PPP1R21: variants seen among roughly 807,000 people sequenced by gnomAD.
The protein encoded by PPP1R21 is protein phosphatase 1 regulatory subunit 21, also known as KLRAQ motif containing 1.
In PPP1R21, 85 loss-of-function variants were observed where a neutral mutation model predicts 112.8. The observed-to-expected ratio is 0.75, with a 90% confidence interval of 0.63 to 0.90. The LOEUF (loss-of-function observed/expected upper bound fraction) is 0.90. PPP1R21 is among the 40% of genes least tolerant of loss of function. The pLI, the probability that PPP1R21 is intolerant of heterozygous loss-of-function variation, is 0.00. For missense variants in PPP1R21, 1,199 were observed against 901.5 expected (o/e 1.33, Z -4.23); for synonymous variants, 381 against 322.3 (o/e 1.18, Z -1.95).
intron 11 of PPP1R21, among the ~76,000 whole-genome samples, chr2:48,473,318 CTA>C (rs1174771697): frequency 6.6e-6 from 1 of 152,094 alleles, no homozygotes; most frequent in Non-Finnish European, 1.5e-5. Context: ...AAAATCGACT[CTA>C]GAGGTTTAAC....
chr2:48,475,876 A>G (rs1275317756), intron 12 of PPP1R21, among the ~76,000 whole-genome samples: 1 of 152,154 alleles, frequency 6.6e-6, no homozygotes, highest in Non-Finnish European at 1.5e-5. Context: ...GGGTAACTGA[A>G]TGGACCTCAT....
At chr2:48,495,155 A>C (rs1669769633) in intron 15 of PPP1R21, among the ~76,000 whole-genome samples, 1 of 152,228 alleles carries the variant, frequency 6.6e-6, no homozygotes, top group Non-Finnish European at 1.5e-5. Flanking sequence ...CAGTCGAACC[A>C]AGGTAAGTCA....
chr2:48,505,426 G>A, intron 17 of PPP1R21, 138 bp from the exon 18 acceptor site: 2 of 650,496 alleles, frequency 3.1e-6, no homozygotes, highest in South Asian at 4.0e-5. Flanking sequence ...TGTAGTAAAA[G>A]ACAGTCCAAG....
At chr2:48,493,710 T>C (rs865953040) in intron 15 of PPP1R21, among the ~76,000 whole-genome samples, 8 of 152,292 alleles carry the variant, frequency 5.3e-5, no homozygotes, top group Middle Eastern at 6.8e-3. Context: ...TAGCTGGTTG[T>C]CCTTGTACCG....
At chr2:48,443,486 G>T (rs566564380) in intron 1 of PPP1R21, among the ~76,000 whole-genome samples, 2 of 152,306 alleles carry the variant, frequency 1.3e-5, no homozygotes, top group East Asian at 3.9e-4. Context: ...GTCCCATCAC[G>T]ATGCACTTTG....
intron 15 of PPP1R21, among the ~76,000 whole-genome samples, chr2:48,492,561 T>C (rs896249469): frequency 3.3e-5 from 5 of 152,236 alleles, no homozygotes; most frequent in African/African-American, 1.2e-4. Flanking sequence ...TTTTTACTGT[T>C]ACAATAATAC....
At position 48,451,553 on chromosome 2, in the gene PPP1R21, C is replaced by T. The variant is rs1471849026; in HGVS notation, c.126+477C>T. ...TAGTAATAACCTGTGTTAATCAGGA[C>T]ACTCTTTGAGTGATACATTTTACCA... On this transcript the variant is annotated intron_variant, in intron 2 of 21. Transcript: ENST00000294952. 2.0e-5 allele frequency among the ~76,000 whole-genome samples: 3 copies of T among 152,194 alleles called. No homozygotes were observed. In the East Asian group the frequency reaches 5.8e-4, roughly 29 times the overall value.
At position 48,461,218 on chromosome 2, in the gene PPP1R21, C is replaced by T; in HGVS notation, c.680C>T (p.Pro227Leu). 3 of 1,574,062 alleles carry T rather than the reference C, an allele frequency of 1.9e-6. No individual in the cohort carries two copies. Among genetic ancestry groups the T allele is most frequent in the Non-Finnish European group, 2.6e-6 (3 of 1,166,540 alleles). Residue 227 changes from proline to leucine, a missense_variant, in exon 7 of 22, where the codon CCT (proline) becomes CTT (leucine). Coordinates refer to ENST00000294952, the MANE Select transcript of PPP1R21 (RefSeq NM_001135629.3). Reference protein sequence around the residue: ...ESLSIINEKVPFNDTKYSQYN... With the variant: ...ESLSIINEKVLFNDTKYSQYN... ...TTATCAATCATCAATGAAAAAGTAC[C>T]TTTTAATGATACAAGTAGGTATTAT...
chr2:48,446,496 C>CTT (rs1481946639), intron 1 of PPP1R21, among the ~76,000 whole-genome samples: 5 of 151,936 alleles, frequency 3.3e-5, no homozygotes, highest in Admixed American at 1.3e-4. Context: ...TTTGGAGAGT[C>CTT]TTAAAAGAGA....
intron 12 of PPP1R21, among the ~76,000 whole-genome samples, chr2:48,478,920 C>A (rs1378062221): frequency 6.6e-6 from 1 of 152,206 alleles, no homozygotes; most frequent in Non-Finnish European, 1.5e-5. Context: ...TGCTTATCTC[C>A]TGGGCTAAAT....
intron 13 of PPP1R21, among the ~76,000 whole-genome samples, chr2:48,482,461 G>C (rs930035236): frequency 6.6e-6 from 1 of 152,198 alleles, no homozygotes; most frequent in African/African-American, 2.4e-5. Context: ...GAATGTGTAA[G>C]TGGGTATAGC....
chr2:48,473,422 T>G (rs751160748), intron 11 of PPP1R21, among the ~76,000 whole-genome samples: 4 of 152,238 alleles, frequency 2.6e-5, no homozygotes, highest in African/African-American at 4.8e-5. Context: ...GAAAGAGTTA[T>G]GAATTTTATC....
chr2:48,471,888 C>T (rs1227639010), intron 11 of PPP1R21, among the ~76,000 whole-genome samples: 1 of 152,066 alleles, frequency 6.6e-6, no homozygotes, highest in Non-Finnish European at 1.5e-5. Context: ...TTTTGGTTTA[C>T]AACTACCAAG....
chr2:48,484,012 A>G (rs531131451), intron 13 of PPP1R21, among the ~76,000 whole-genome samples: 7 of 152,144 alleles, frequency 4.6e-5, no homozygotes, highest in African/African-American at 1.7e-4. Flanking sequence ...TTATATAGGA[A>G]TACCTATTCA....
intron 19 of PPP1R21, 76 bp from the exon 20 acceptor site, chr2:48,509,939 T>G (rs1670556007): frequency 2.0e-6 from 2 of 1,017,396 alleles, no homozygotes; most frequent in Non-Finnish European, 2.9e-6. Flanking sequence ...AGAAGTGTTT[T>G]TAACAAACTT....
intron 1 of PPP1R21, among the ~76,000 whole-genome samples, chr2:48,448,795 CAG>C (rs1424229116): frequency 6.6e-6 from 1 of 152,196 alleles, no homozygotes; most frequent in African/African-American, 2.4e-5. Flanking sequence ...ACTTCTAGAG[CAG>C]AGTTTACCAA....
chr2:48,487,763 A>G (rs1669375725), intron 14 of PPP1R21, among the ~76,000 whole-genome samples: 1 of 149,752 alleles, frequency 6.7e-6, no homozygotes, highest in Non-Finnish European at 1.5e-5. Flanking sequence ...CCTATCTCAA[A>G]AAAAAAAAAA....
chr2:48,502,031 G>C (rs148620804), intron 17 of PPP1R21: 168 of 152,158 alleles, frequency 1.1e-3, no homozygotes, highest in African/African-American at 3.9e-3. Flanking sequence ...GCACAATGCT[G>C]GTATATTTGA....
At chr2:48,454,879 A>G (rs1667651068) in intron 3 of PPP1R21, 138 bp downstream of exon 3, 4 of 681,614 alleles carry the variant, frequency 5.9e-6, no homozygotes, top group South Asian at 5.5e-5. Context: ...TTGCTCTGCC[A>G]CCCATGCTGG....
Sources: allele counts gnomAD v4.1 joint callset (sites outside exome capture counted in the v4.1 genomes callset), GRCh38; gene constraint gnomAD v4.1.1; transcripts MANE v1.5; gene names NCBI Gene and HGNC (gene_info 2026-07-23, HGNC 2026-07-21).